Variants in ADAM32 observed in about 807,000 individuals in gnomAD.
The protein encoded by ADAM32 is ADAM metallopeptidase domain 32.
Under a neutral mutation model 114.9 loss-of-function variants are expected in ADAM32, and 89 were observed. That is an observed-to-expected ratio of 0.77 (90% CI 0.65 to 0.92). The LOEUF is 0.92. Ranked by LOEUF, ADAM32 falls within the 40% of genes least tolerant of loss-of-function variation. The pLI is 0.00. For synonymous variants in ADAM32, 285 were observed against 307.5 expected, an observed-to-expected ratio of 0.93 and a Z score of 0.77; for missense variants, 870 against 932.8, an observed-to-expected ratio of 0.93 and a Z score of 0.88.
At chr8:39,172,199 A>G (rs1483797121) in intron 10 of ADAM32, among the ~76,000 whole-genome samples, 2 of 152,178 alleles carry the variant, frequency 1.3e-5, no homozygotes, top group Non-Finnish European at 2.9e-5. Flanking sequence ...CAACTGCCAC[A>G]GAAAATGAAA....
intron 19 of ADAM32, 90 bp from the exon 20 acceptor site, chr8:39,270,786 T>C: frequency 1.0e-6 from 1 of 969,786 alleles, no homozygotes; most frequent in Non-Finnish European, 1.6e-6. Flanking sequence ...TATAAGGAGA[T>C]AATACTGATT....
intron 1 of ADAM32, among the ~76,000 whole-genome samples, chr8:39,116,406 T>C (rs562124731): frequency 9.2e-5 from 14 of 152,354 alleles, no homozygotes; most frequent in African/African-American, 3.4e-4. Flanking sequence ...TCATCTCTGA[T>C]TTCTTTGAGC....
At chr8:39,192,704 A>G (rs893066876) in intron 11 of ADAM32, among the ~76,000 whole-genome samples, 1 of 152,186 alleles carries the variant, frequency 6.6e-6, no homozygotes, top group Non-Finnish European at 1.5e-5. Flanking sequence ...TGTAAGGCAC[A>G]TCTGATAGTA....
chr8:39,198,977 C>T (rs1160373289), intron 11 of ADAM32, among the ~76,000 whole-genome samples: 1 of 152,072 alleles, frequency 6.6e-6, no homozygotes, highest in African/African-American at 2.4e-5. Context: ...GATAGCTTTG[C>T]TGTGGATAAT....
At position 39,278,368 on chromosome 8, in the gene ADAM32, G is replaced by A. The variant is rs376122860; in HGVS notation, c.2279+2502G>A. On this transcript the variant is annotated intron_variant, in intron 22 of 24. Coordinates refer to ENST00000379907, the MANE Select transcript of ADAM32 (RefSeq NM_145004.7). ...TTGGATGGTGGTTTCCGGCTTTTCG[G>A]CTTGAGGGTGGCGCTTTTGCCAGAG... 2.7e-4 allele frequency among the ~76,000 whole-genome samples: 41 copies of A among 152,206 alleles called. 1 individual carries two copies. The East Asian group carries it at 4.6e-3, about 17-fold the overall frequency.
At chr8:39,132,330 C>T (rs985412532) in intron 2 of ADAM32, among the ~76,000 whole-genome samples, 12 of 152,164 alleles carry the variant, frequency 7.9e-5, no homozygotes, top group Non-Finnish European at 1.2e-4. Flanking sequence ...ATTTTTACTA[C>T]TTATTTTCTT....
chr8:39,157,875 T>C (rs1236477711), intron 6 of ADAM32: 4 of 506,370 alleles, frequency 7.9e-6, no homozygotes, highest in East Asian at 4.0e-5. Context: ...CTGACTGATA[T>C]TATAGATCTT....
At chr8:39,284,400 C>T (rs1486245672) in intron 24 of ADAM32, among the ~76,000 whole-genome samples, 2 of 143,808 alleles carry the variant, frequency 1.4e-5, no homozygotes, top group Non-Finnish European at 3.0e-5. Flanking sequence ...CACACACACA[C>T]GTACACACAC....
chr8:39,222,711 A>T (rs940902804), intron 13 of ADAM32, among the ~76,000 whole-genome samples: 4 of 152,126 alleles, frequency 2.6e-5, no homozygotes, highest in African/African-American at 9.6e-5. Context: ...AATGGACTAA[A>T]TTACATTATT....
chr8:39,283,176 G>C lies in ADAM32; in HGVS notation c.2319-410G>C, dbSNP rs1433277443. ...TAATCCCAGCATTTTGGGAAGCCAA[G>C]GTGGGAGGACTGCTTGAGGTCAGGA... On this transcript the variant is annotated intron_variant, in intron 23 of 24. Coordinates refer to ENST00000379907, the MANE Select transcript of ADAM32 (RefSeq NM_145004.7). 2.6e-5 allele frequency among the ~76,000 whole-genome samples: 4 copies of C among 152,198 alleles called. No individual in the cohort carries two copies. In the East Asian group the frequency reaches 7.7e-4, roughly 29 times the overall value.
intron 1 of ADAM32, among the ~76,000 whole-genome samples, chr8:39,114,243 C>T (rs189955497): frequency 6.6e-6 from 1 of 152,314 alleles, no homozygotes; most frequent in Non-Finnish European, 1.5e-5. Flanking sequence ...GCTATTTCCC[C>T]TCCCCTGGGC....
At chr8:39,210,937 A>G (rs1808163741) in intron 11 of ADAM32, among the ~76,000 whole-genome samples, 1 of 152,162 alleles carries the variant, frequency 6.6e-6, no homozygotes, top group Admixed American at 6.6e-5. Flanking sequence ...GTTGCTATTG[A>G]ATTGTACTTA....
intron 11 of ADAM32, among the ~76,000 whole-genome samples, chr8:39,199,652 AG>A (rs1807250268): frequency 6.6e-6 from 1 of 151,968 alleles, no homozygotes. Context: ...CTTAAGTTCT[AG>A]GGTACATGTG....
chr8:39,193,031 C>A (rs1166726383), intron 11 of ADAM32, among the ~76,000 whole-genome samples: 1 of 152,056 alleles, frequency 6.6e-6, no homozygotes, highest in Non-Finnish European at 1.5e-5. Context: ...TGTGGAGGTT[C>A]TCTGGATTTC....
chr8:39,114,087 C>T (rs12549232), intron 1 of ADAM32, among the ~76,000 whole-genome samples: 37,882 of 152,044 alleles, frequency 0.25, 4,722 homozygotes, highest in Middle Eastern at 0.3. Context: ...AAATCTATAA[C>T]TTCGTTCACC....
intron 1 of ADAM32, among the ~76,000 whole-genome samples, chr8:39,110,709 G>A (rs1359626595): frequency 6.6e-6 from 1 of 152,192 alleles, no homozygotes; most frequent in Non-Finnish European, 1.5e-5. Flanking sequence ...TAAATTATAT[G>A]CATAACTACA....
intron 1 of ADAM32, among the ~76,000 whole-genome samples, chr8:39,114,563 C>T (rs1276022858): frequency 2.6e-5 from 4 of 152,188 alleles, no homozygotes; most frequent in Admixed American, 6.5e-5. Flanking sequence ...TAGGTGAAAG[C>T]ATTTTGTTTT....
intron 19 of ADAM32, among the ~76,000 whole-genome samples, chr8:39,266,242 A>G (rs369516960): frequency 1.3e-3 from 193 of 152,282 alleles, no homozygotes; most frequent in African/African-American, 4.5e-3. Context: ...TTGTGGAAGT[A>G]TTCTCCAATA....
chr8:39,211,475 T>C (rs570269912), intron 12 of ADAM32, among the ~76,000 whole-genome samples, 151 bp downstream of exon 12: 1 of 152,300 alleles, frequency 6.6e-6, no homozygotes, highest in East Asian at 1.9e-4. Context: ...GAAAATACTG[T>C]TTAGATTTTG....
Sources: allele counts gnomAD v4.1 joint callset (sites outside exome capture counted in the v4.1 genomes callset), GRCh38; gene constraint gnomAD v4.1.1; transcripts MANE v1.5; gene names NCBI Gene and HGNC (gene_info 2026-07-23, HGNC 2026-07-21).